WDFY1: variants seen among roughly 807,000 people sequenced by gnomAD.
WDFY1 encodes WD repeat and FYVE domain-containing protein 1.
Under a neutral mutation model 56.4 loss-of-function variants are expected in WDFY1, and 32 were observed. The ratio of observed to expected loss-of-function variants is 0.57; its 90% CI spans 0.43 to 0.76. WDFY1 has a LOEUF of 0.76. Among genes scored for constraint, WDFY1 ranks in the 30% least tolerant of loss-of-function variants. The probability of loss-of-function intolerance (pLI) is 0.00; values close to 1 mark genes in which losing one functional copy is unlikely to be tolerated. For missense variants in WDFY1, 480 were observed against 545.7 expected (o/e 0.88, Z 1.20); for synonymous variants, 192 against 197.3 (o/e 0.97, Z 0.23).
chr2:223,911,291 G>A (rs1333460494), intron 3 of WDFY1, among the ~76,000 whole-genome samples: 2 of 151,770 alleles, frequency 1.3e-5, no homozygotes, highest in African/African-American at 4.8e-5. Flanking sequence ...TGCAGGGAGG[G>A]GTGATGAAAA....
intron 11 of WDFY1, 22 bp from the exon 12 acceptor site, chr2:223,878,752 A>G: frequency 6.2e-7 from 1 of 1,613,868 alleles, no homozygotes; most frequent in Non-Finnish European, 8.5e-7. Context: ...GAAGAAACGC[A>G]GAAAAGGCAG....
chr2:223,879,666 A>C (rs1267202181), intron 11 of WDFY1, among the ~76,000 whole-genome samples: 1 of 152,146 alleles, frequency 6.6e-6, no homozygotes, highest in Admixed American at 6.6e-5. Flanking sequence ...CTCAAAAAAA[A>C]AAAAGAGTGG....
chr2:223,903,064 T>G (rs966303453), intron 4 of WDFY1, among the ~76,000 whole-genome samples: 8 of 152,168 alleles, frequency 5.3e-5, no homozygotes, highest in Non-Finnish European at 4.4e-5. Context: ...TCATGCTTAT[T>G]TTGCTTCATT....
intron 1 of WDFY1, among the ~76,000 whole-genome samples, chr2:223,936,114 G>A (rs1015466827): frequency 6.7e-6 from 1 of 148,766 alleles, no homozygotes; most frequent in Admixed American, 6.7e-5. Flanking sequence ...CAAGCTGGAG[G>A]GCAGCAGCAT....
chr2:223,899,190 T>C, intron 5 of WDFY1, 120 bp from the exon 6 acceptor site: 2 of 715,710 alleles, frequency 2.8e-6, no homozygotes, highest in Non-Finnish European at 4.9e-6. Context: ...TTAAAGAGAA[T>C]AAGCATACAC....
chr2:223,878,690 G>A lies in WDFY1; in HGVS notation c.1214C>T (p.Thr405Ile), dbSNP rs202182963. The A allele has an allele frequency of 2.0e-5, 32 of 1,613,958 alleles. No individual in the cohort carries two copies. Among genetic ancestry groups the A allele is most frequent in the Non-Finnish European group, 2.4e-5 (28 of 1,179,980 alleles). ...MTPVVGCSLATGFSPH is the reference protein window; with the variant it reads ...MTPVVGCSLAIGFSPH ...CTCAGATCAGTGCGGAGAAAACCCAGTCGCCAGACTGCAGCCCACCACAGG... is the reference window on the plus strand; with the variant it reads ...CTCAGATCAGTGCGGAGAAAACCCAATCGCCAGACTGCAGCCCACCACAGG... The change falls in exon 12 of 12, where the codon ACT (threonine) becomes ATT (isoleucine). Residue 405 changes from threonine (T) to isoleucine (I), a missense_variant. Coordinates refer to ENST00000233055, the MANE Select transcript of WDFY1 (RefSeq NM_020830.5).
intron 3 of WDFY1, among the ~76,000 whole-genome samples, chr2:223,906,622 T>C (rs500697): frequency 0.93 from 141,519 of 152,032 alleles, 65,928 homozygotes; most frequent in South Asian, 0.96. Context: ...TGGGTTCAAG[T>C]GATTCTCCTG....
At chr2:223,920,991 A>G (rs1347154788) in intron 1 of WDFY1, among the ~76,000 whole-genome samples, 1 of 152,204 alleles carries the variant, frequency 6.6e-6, no homozygotes, top group African/African-American at 2.4e-5. Flanking sequence ...ACGACAAAAA[A>G]TACAAGTCAA....
intron 8 of WDFY1, among the ~76,000 whole-genome samples, 166 bp downstream of exon 8, chr2:223,894,068 C>T (rs972065887): frequency 6.6e-6 from 1 of 152,124 alleles, no homozygotes; most frequent in Admixed American, 6.5e-5. Context: ...GGAAGCAATG[C>T]AAAATGACAC....
chr2:223,920,394 C>T (rs1210194512), intron 1 of WDFY1, among the ~76,000 whole-genome samples: 3 of 152,220 alleles, frequency 2.0e-5, no homozygotes, highest in Non-Finnish European at 4.4e-5. Flanking sequence ...CATAGAACTT[C>T]TGAAACATGA....
intron 1 of WDFY1, among the ~76,000 whole-genome samples, chr2:223,936,224 G>A (rs981549394): frequency 6.6e-6 from 1 of 152,056 alleles, no homozygotes; most frequent in East Asian, 1.9e-4. Flanking sequence ...CCTACACCTG[G>A]CTAATTTTTG....
At chr2:223,895,748 A>C (rs1693356092) in intron 6 of WDFY1, 118 bp from the exon 7 acceptor site, 35 of 1,403,060 alleles carry the variant, frequency 2.5e-5, no homozygotes, top group Non-Finnish European at 3.4e-5. Context: ...TGAGTCTTTA[A>C]GCAAAAAGGT....
intron 8 of WDFY1, among the ~76,000 whole-genome samples, chr2:223,890,513 C>T (rs1347749298): frequency 4.6e-5 from 7 of 152,220 alleles, no homozygotes; most frequent in Middle Eastern, 3.4e-3. Flanking sequence ...AAGAGATACC[C>T]CTAACTTTAT....
chr2:223,884,026 ATTCT>A (rs1693127692), intron 9 of WDFY1, among the ~76,000 whole-genome samples: 1 of 151,156 alleles, frequency 6.6e-6, no homozygotes, highest in Non-Finnish European at 1.5e-5. Context: ...TAAAATCAGC[ATTCT>A]TTTTTACTTA....
At chr2:223,906,053 A>C in intron 3 of WDFY1, 52 bp from the exon 4 acceptor site, 1 of 1,416,574 alleles carries the variant, frequency 7.1e-7, no homozygotes, top group Non-Finnish European at 9.5e-7. Flanking sequence ...GTTTTAAAAA[A>C]CAACAGAAAC....
chr2:223,945,060 C>T (rs1358941993), intron 1 of WDFY1, 88 bp downstream of exon 1: 4 of 1,427,044 alleles, frequency 2.8e-6, no homozygotes, highest in Admixed American at 2.5e-5. Context: ...AGCCCCCTCA[C>T]GCAGGAAGGA....
At chr2:223,887,829 C>T (rs988450240) in intron 8 of WDFY1, among the ~76,000 whole-genome samples, 1 of 152,096 alleles carries the variant, frequency 6.6e-6, no homozygotes, top group African/African-American at 2.4e-5. Flanking sequence ...CCCCCTTAGC[C>T]TCTCATTTAT....
chr2:223,927,592 T>C (rs1694005952), intron 1 of WDFY1, among the ~76,000 whole-genome samples: 1 of 152,238 alleles, frequency 6.6e-6, no homozygotes. Flanking sequence ...TGGTCTGATC[T>C]TCTATTCAGA....
At chr2:223,932,094 G>C (rs1694086224) in intron 1 of WDFY1, among the ~76,000 whole-genome samples, 1 of 140,626 alleles carries the variant, frequency 7.1e-6, no homozygotes, top group Non-Finnish European at 1.5e-5. Flanking sequence ...ATATTTTCTA[G>C]TATGTATTAC....
Sources: allele counts gnomAD v4.1 joint callset (sites outside exome capture counted in the v4.1 genomes callset), GRCh38; gene constraint gnomAD v4.1.1; transcripts MANE v1.5; gene names NCBI Gene and HGNC (gene_info 2026-07-23, HGNC 2026-07-21).